ST6GAL1: variants seen among roughly 807,000 people sequenced by gnomAD.
ST6GAL1 encodes ST6 beta-galactoside alpha-2,6-sialyltransferase 1.
A neutral mutation model predicts 38.0 loss-of-function variants in ST6GAL1; 20 were observed. The observed-to-expected ratio is 0.53, with a 90% CI of 0.37 to 0.77. The LOEUF (loss-of-function observed/expected upper bound fraction) is 0.77, where lower values mean the gene tolerates loss of function less well. Among genes scored for constraint, ST6GAL1 ranks in the 30% least tolerant of loss-of-function variants. The pLI, the probability that ST6GAL1 is intolerant of heterozygous loss-of-function variation, is 0.00. For synonymous variants in ST6GAL1, 196 were observed against 188.2 expected, an observed-to-expected ratio of 1.04 and a Z score of -0.34; for missense variants, 432 against 496.4, an observed-to-expected ratio of 0.87 and a Z score of 1.23.
chr3:187,036,287 C>T (rs1269917157), intron 2 of ST6GAL1, among the ~76,000 whole-genome samples: 1 of 152,150 alleles, frequency 6.6e-6, no homozygotes, highest in African/African-American at 2.4e-5. Flanking sequence ...GGAACACCTA[C>T]ACACTGTTGT....
intron 2 of ST6GAL1, among the ~76,000 whole-genome samples, chr3:187,008,463 A>AC (rs1401344649): frequency 6.6e-6 from 1 of 151,714 alleles, no homozygotes; most frequent in African/African-American, 2.4e-5. Flanking sequence ...AGACAGTGAA[A>AC]CCCCGTCTTT....
In ST6GAL1 at chr3:187,057,482, G is replaced by A. The variant is rs569768053; in HGVS notation, c.705+6136G>A. On this transcript the variant is annotated intron_variant, in intron 5 of 7. Transcript: ENST00000169298. ...TTTTGATGATGGTTTTGGTGTGGAT[G>A]TCCTTTCTGGTGATGTTGATGCTAT... Among the ~76,000 whole-genome samples the A allele has an allele frequency of 1.1e-4, 17 of 152,278 alleles. No individual in the cohort carries two copies. In the South Asian group the frequency reaches 3.3e-3, roughly 30 times the overall value.
chr3:187,062,607 A>ACAC (rs1553835871), intron 5 of ST6GAL1, among the ~76,000 whole-genome samples: 3 of 74,234 alleles, frequency 4.0e-5, no homozygotes, highest in Admixed American at 1.2e-4. Flanking sequence ...CACACACACA[A>ACAC]AATACTATAT....
At chr3:186,946,632 T>C (rs571183622) in intron 1 of ST6GAL1, among the ~76,000 whole-genome samples, 4 of 152,312 alleles carry the variant, frequency 2.6e-5, no homozygotes, top group East Asian at 3.9e-4. Context: ...TATACAGATA[T>C]AGAGACTTGA....
chr3:187,075,796 A>G lies in ST6GAL1; in HGVS notation c.1214A>G (p.His405Arg). The G allele has an allele frequency of 6.2e-7, 1 of 1,614,122 alleles. No homozygotes were observed. Reference sequence around the variant, plus strand: ...ACACTGCCTGGCTTCCGGACCATTCACTGCTAAGCACAGGCTCCTCACTCT... The same window carrying G: ...ACACTGCCTGGCTTCCGGACCATTCGCTGCTAAGCACAGGCTCCTCACTCT... ...KATLPGFRTI[H>R]C Residue 405 changes from histidine to arginine, a missense_variant, in exon 8 of 8, where the codon CAC becomes CGC. Coordinates refer to ENST00000169298, the MANE Select transcript of ST6GAL1 (RefSeq NM_173216.2). This position sits in a 1 kb window ranked among gnomAD's most constrained non-coding sequence, Gnocchi z 4.1.
At chr3:187,043,360 G>A (rs759220169) in intron 4 of ST6GAL1, 50 bp downstream of exon 4, 2 of 1,571,888 alleles carry the variant, frequency 1.3e-6, no homozygotes, top group East Asian at 2.2e-5. Flanking sequence ...GGGACTGGCT[G>A]GGCATATTGA....
At chr3:186,982,535 G>T (rs535900071) in intron 2 of ST6GAL1, among the ~76,000 whole-genome samples, 1 of 152,164 alleles carries the variant, frequency 6.6e-6, no homozygotes, top group African/African-American at 2.4e-5. Flanking sequence ...AGTACAGGAA[G>T]TGAGAGGAAG....
In ST6GAL1 at chr3:187,051,243, T is replaced by A. The variant is rs770276808; in HGVS notation, c.608-6T>A. On this transcript the variant is annotated splice_region_variant and splice_polypyrimidine_tract_variant and intron_variant, in intron 4 of 7. Transcript: ENST00000169298. ...CACCTCTTTTCTGTTTCTTTGTGGTTTATAGATGATCATGACGCAGTCCTG... is the reference window on the plus strand; with the variant it reads ...CACCTCTTTTCTGTTTCTTTGTGGTATATAGATGATCATGACGCAGTCCTG... 13 of 1,613,532 alleles carry A rather than the reference T, an allele frequency of 8.1e-6. No homozygotes were observed. The Admixed American group carries it at 8.3e-5, about 10-fold the overall frequency.
chr3:187,046,783 A>G (rs1328694666), intron 4 of ST6GAL1, among the ~76,000 whole-genome samples: 2 of 152,214 alleles, frequency 1.3e-5, no homozygotes, highest in African/African-American at 2.4e-5. Flanking sequence ...CCGGATAGTA[A>G]ATAGTTTTGG....
chr3:187,050,552 G>GAGAGAA, intron 4 of ST6GAL1, among the ~76,000 whole-genome samples: 1 of 104,250 alleles, frequency 9.6e-6, no homozygotes, highest in Non-Finnish European at 2.2e-5. Flanking sequence ...GAGAGAGAGA[G>GAGAGAA]AGAGAGAGGG....
At chr3:186,983,186 T>A (rs1361274794) in intron 2 of ST6GAL1, among the ~76,000 whole-genome samples, 1 of 152,164 alleles carries the variant, frequency 6.6e-6, no homozygotes, top group Non-Finnish European at 1.5e-5. Flanking sequence ...CACCAAATAT[T>A]TACTGGATAG....
intron 5 of ST6GAL1, among the ~76,000 whole-genome samples, chr3:187,051,875 A>G (rs942367930): frequency 2.0e-5 from 3 of 152,180 alleles, no homozygotes; most frequent in Non-Finnish European, 2.9e-5. Context: ...ATTTCTCAAT[A>G]CTAAGGGAGA....
chr3:187,043,748 C>A (rs1400840140), intron 4 of ST6GAL1: 1 of 152,840 alleles, frequency 6.5e-6, no homozygotes, highest in African/African-American at 2.4e-5. Context: ...AGTTCCGCTG[C>A]TACCAATAAT....
chr3:187,072,585 T>C (rs1719424721), intron 5 of ST6GAL1: 1 of 408,352 alleles, frequency 2.4e-6, no homozygotes, highest in Non-Finnish European at 4.7e-6. Context: ...ACTGTACCCT[T>C]GCCCCCGTAA....
chr3:187,034,384 A>G (rs1717857352), intron 2 of ST6GAL1, among the ~76,000 whole-genome samples: 1 of 152,206 alleles, frequency 6.6e-6, no homozygotes, highest in African/African-American at 2.4e-5. Context: ...AGGCAGACAG[A>G]TCCCTCTCTA....
In ST6GAL1 at chr3:186,988,011, G is replaced by A. The variant is rs542923187; in HGVS notation, c.-183+24085G>A. Among the ~76,000 whole-genome samples, 4 of 152,230 alleles carry A rather than the reference G, an allele frequency of 2.6e-5. No homozygotes were observed. In the South Asian group the frequency reaches 8.3e-4, roughly 32 times the overall value. Reference sequence around the variant, plus strand: ...CTCTGCTTTAGTTCCTGTTTGTGGTGTCGGCACAGTAAAATTTATATATGG... The same window carrying A: ...CTCTGCTTTAGTTCCTGTTTGTGGTATCGGCACAGTAAAATTTATATATGG... On this transcript the variant is annotated intron_variant, in intron 2 of 7. Transcript: ENST00000169298.
At chr3:187,024,067 T>TTA (rs1579331350) in intron 2 of ST6GAL1, among the ~76,000 whole-genome samples, 1 of 151,726 alleles carries the variant, frequency 6.6e-6, no homozygotes, top group East Asian at 1.9e-4. Context: ...TATATATGTT[T>TTA]TATATATATA....
At chr3:186,936,155 G>A (rs1249498278) in intron 1 of ST6GAL1, among the ~76,000 whole-genome samples, 1 of 152,148 alleles carries the variant, frequency 6.6e-6, no homozygotes, top group South Asian at 2.1e-4. Context: ...GATCTAATTT[G>A]TCTCAGTATT....
At chr3:186,971,254 A>G (rs192243923) in intron 2 of ST6GAL1, among the ~76,000 whole-genome samples, 3 of 152,260 alleles carry the variant, frequency 2.0e-5, no homozygotes, top group African/African-American at 7.2e-5. Flanking sequence ...ATGCCTGGCT[A>G]ATTTTTTTGT....
Sources: gnomAD v4.1 joint callset for allele counts (sites outside exome capture counted in the v4.1 genomes callset) on GRCh38, gnomAD v4.1.1 for gene constraint, Gnocchi (gnomAD v3.1) non-coding constraint, MANE v1.5 for transcripts, NCBI Gene and HGNC (gene_info 2026-07-23, HGNC 2026-07-21) for gene names.